The following MAP2 variants were observed in gnomAD, a reference collection of about 807,000 sequenced individuals.
The protein encoded by MAP2 is microtubule-associated protein 2.
MAP2 carries 14 observed loss-of-function variants against 137.6 expected under a neutral mutation model. The ratio of observed to expected loss-of-function variants is 0.10; its 90% CI spans 0.07 to 0.16. The LOEUF (loss-of-function observed/expected upper bound fraction) is 0.16, where lower values mean the gene tolerates loss of function less well. MAP2 is among the 10% of genes least tolerant of loss of function. The probability of loss-of-function intolerance (pLI) is 1.00; values close to 1 mark genes in which losing one functional copy is unlikely to be tolerated. For missense variants in MAP2, 2,088 were observed against 2,191.5 expected (o/e 0.95, Z 0.94); for synonymous variants, 786 against 782.3 (o/e 1.00, Z -0.08).
intron 1 of MAP2, among the ~76,000 whole-genome samples, chr2:209,456,558 C>G (rs922481809): frequency 1.3e-5 from 2 of 152,098 alleles, no homozygotes; most frequent in Non-Finnish European, 2.9e-5. Context: ...TGCAAAGATA[C>G]CAAGACATAC....
intron 2 of MAP2, among the ~76,000 whole-genome samples, chr2:209,509,028 T>G (rs1043343461): frequency 1.3e-5 from 2 of 151,952 alleles, no homozygotes; most frequent in African/African-American, 4.8e-5. Flanking sequence ...ATCAGTAATA[T>G]TTTCAATGCA....
chr2:209,697,081 C>G, intron 10 of MAP2, 30 bp downstream of exon 10: 1 of 1,540,650 alleles, frequency 6.5e-7, no homozygotes, highest in Non-Finnish European at 8.7e-7. Flanking sequence ...ATGTGACTGG[C>G]AAACATAGAC....
rs374807988 is a variant in MAP2 at position 209,574,921 on chromosome 2, A to G, written c.-171-5115A>G. ...AAAGCATAAGTATTATTTCTATTAT[A>G]AATTTTTGAAAGTACAAATTTTAGT... On this transcript the variant is annotated intron_variant, in intron 2 of 15. Coordinates refer to ENST00000682079, the MANE Select transcript of MAP2 (RefSeq NM_001375505.1). 4.6e-5 allele frequency among the ~76,000 whole-genome samples: 7 copies of G among 152,346 alleles called. No individual in the cohort carries two copies. In the East Asian group the frequency reaches 7.7e-4, roughly 17 times the overall value.
At chr2:209,467,349 C>T (rs2149669104) in intron 1 of MAP2, among the ~76,000 whole-genome samples, 1 of 152,242 alleles carries the variant, frequency 6.6e-6, no homozygotes, top group East Asian at 1.9e-4. Context: ...CTATCACTCT[C>T]CTGATTAATC....
At chr2:209,551,297 C>T (rs994061599) in intron 2 of MAP2, among the ~76,000 whole-genome samples, 3 of 152,112 alleles carry the variant, frequency 2.0e-5, no homozygotes, top group Admixed American at 6.6e-5. Context: ...TGATGGTGCA[C>T]TTCTTCCTCA....
rs115914070 is a variant in MAP2, at chr2:209,551,047, T to A, written c.-171-28989T>A. ...GAAAAATGATGCCAATGCTGTCAGA[T>A]CTCAAACACCATCTGTAAAGTATTC... is the stretch of plus-strand genomic sequence containing the variant. On this transcript the variant is annotated intron_variant, in intron 2 of 15. Transcript: ENST00000682079. Among the ~76,000 whole-genome samples, 607 of 152,210 alleles carry A rather than the reference T, an allele frequency of 4.0e-3. 3 individuals carry two copies. The highest frequency in any genetic ancestry group is 0.014 in the African/African-American group (565 of 41,544).
intron 2 of MAP2, among the ~76,000 whole-genome samples, chr2:209,517,319 G>A (rs1468015001): frequency 3.3e-5 from 5 of 152,036 alleles, no homozygotes; most frequent in African/African-American, 1.2e-4. Flanking sequence ...TAGAAAATAA[G>A]GACACTCTTC....
In MAP2 at chr2:209,672,102, T is replaced by G. The variant is rs7567872; in HGVS notation, c.263-6470T>G. Among the ~76,000 whole-genome samples the G allele has an allele frequency of 5.3e-3, 801 of 152,036 alleles. 14 individuals are homozygous for G. Among genetic ancestry groups the G allele is most frequent in the African/African-American group, 0.018 (750 of 41,526 alleles). ...GACAAGTAGTGTGATCAGAAGAGCA[T>G]GGCAATGGTGCAGCATGAATCAGCA... On this transcript the variant is annotated intron_variant, in intron 5 of 15. Transcript: ENST00000682079.
At chr2:209,673,428 A>G (rs1364791450) in intron 5 of MAP2, among the ~76,000 whole-genome samples, 1 of 151,888 alleles carries the variant, frequency 6.6e-6, no homozygotes, top group African/African-American at 2.4e-5. Context: ...CAATGCAAAA[A>G]CTACGGTTAA....
At chr2:209,445,033 C>G (rs986072723) in intron 1 of MAP2, among the ~76,000 whole-genome samples, 1 of 151,076 alleles carries the variant, frequency 6.6e-6, no homozygotes, top group Non-Finnish European at 1.5e-5. Flanking sequence ...CAATAAATTT[C>G]CTAAGGACTA....
At chr2:209,435,029 T>C (rs1175778124) in intron 1 of MAP2, among the ~76,000 whole-genome samples, 2 of 149,424 alleles carry the variant, frequency 1.3e-5, no homozygotes, top group Non-Finnish European at 3.0e-5. Flanking sequence ...ATCCAAAATA[T>C]GGGCTTTTTA....
At chr2:209,480,298 T>C (rs1708403652) in intron 1 of MAP2, among the ~76,000 whole-genome samples, 1 of 152,182 alleles carries the variant, frequency 6.6e-6, no homozygotes, top group South Asian at 2.1e-4. Flanking sequence ...TTAGCTTTAT[T>C]AACTGGGACT....
chr2:209,572,642 C>T (rs2074584692), intron 2 of MAP2, among the ~76,000 whole-genome samples: 1 of 152,076 alleles, frequency 6.6e-6, no homozygotes, highest in Admixed American at 6.5e-5. Flanking sequence ...AAACTTGTGG[C>T]AGGAGTCAAG....
chr2:209,646,491 GA>G (rs1276430014), intron 4 of MAP2, among the ~76,000 whole-genome samples: 1 of 152,058 alleles, frequency 6.6e-6, no homozygotes, highest in Non-Finnish European at 1.5e-5. Context: ...CTTAGGCCTG[GA>G]AAATGCTAAA....
chr2:209,443,980 A>G (rs1456967985), intron 1 of MAP2, among the ~76,000 whole-genome samples: 1 of 151,624 alleles, frequency 6.6e-6, no homozygotes, highest in East Asian at 1.9e-4. Context: ...TTTTAGGAAT[A>G]TATTATTCAA....
At chr2:209,657,858 G>A (rs2041647461) in intron 5 of MAP2, among the ~76,000 whole-genome samples, 1 of 152,068 alleles carries the variant, frequency 6.6e-6, no homozygotes, top group South Asian at 2.1e-4. Context: ...GTTCAGAAAA[G>A]TTTTTCCTGG....
At chr2:209,530,344 A>C (rs539869787) in intron 2 of MAP2, among the ~76,000 whole-genome samples, 1 of 152,210 alleles carries the variant, frequency 6.6e-6, no homozygotes, top group Non-Finnish European at 1.5e-5. Flanking sequence ...AAAAATAAAC[A>C]TGTGCCCAAC....
At chr2:209,606,104 A>G (rs182471739) in intron 3 of MAP2, among the ~76,000 whole-genome samples, 94 of 152,180 alleles carry the variant, frequency 6.2e-4, no homozygotes, top group African/African-American at 2.2e-3. Flanking sequence ...AATTTCTCCA[A>G]TGTGTAAAAT....
chr2:209,652,807 T>C lies in MAP2; in HGVS notation c.-29-335T>C, dbSNP rs1480838682. Among the ~76,000 whole-genome samples the C allele has an allele frequency of 3.3e-5, 5 of 152,226 alleles. No homozygotes were observed. The East Asian group carries it at 9.6e-4, about 29-fold the overall frequency. Reference sequence around the variant, plus strand: ...TTCAAGACCATAATTAAATGAAAGTTCATTAAGATGTATACCTAAATGCCA... The same window carrying C: ...TTCAAGACCATAATTAAATGAAAGTCCATTAAGATGTATACCTAAATGCCA... On this transcript the variant is annotated intron_variant, in intron 4 of 15. Coordinates refer to ENST00000682079, the MANE Select transcript of MAP2 (RefSeq NM_001375505.1).
Sources: allele counts gnomAD v4.1 joint callset (sites outside exome capture counted in the v4.1 genomes callset), GRCh38; gene constraint gnomAD v4.1.1; transcripts MANE v1.5; gene names NCBI Gene and HGNC (gene_info 2026-07-23, HGNC 2026-07-21).